The following GNAI3 variants were observed in gnomAD, a reference collection of about 807,000 sequenced individuals.
GNAI3 encodes the protein guanine nucleotide-binding protein G(i) subunit alpha-3.
In GNAI3, 12 loss-of-function variants were observed where a neutral mutation model predicts 41.8. That is an observed-to-expected ratio of 0.29 (90% CI 0.18 to 0.47). The LOEUF (loss-of-function observed/expected upper bound fraction) is 0.47. Ranked by LOEUF, GNAI3 falls within the 20% of genes least tolerant of loss-of-function variation. The pLI, the probability that GNAI3 is intolerant of heterozygous loss-of-function variation, is 1.00. For synonymous variants in GNAI3, 132 were observed against 146.5 expected, an observed-to-expected ratio of 0.90 and a Z score of 0.71; for missense variants, 360 against 429.6, an observed-to-expected ratio of 0.84 and a Z score of 1.43.
chr1:109,574,084 C>G, intron 3 of GNAI3, 47 bp downstream of exon 3: 1 of 1,498,388 alleles, frequency 6.7e-7, no homozygotes, highest in Non-Finnish European at 9.0e-7. Context: ...TCAGCAGATA[C>G]AGTTAAGTTA....
At chr1:109,588,445 G>A (rs547384115) in intron 7 of GNAI3, among the ~76,000 whole-genome samples, 58 of 152,252 alleles carry the variant, frequency 3.8e-4, no homozygotes, top group African/African-American at 1.2e-3. Flanking sequence ...GATTCTGGCC[G>A]TGGTTAAGTC....
chr1:109,577,395 A>G (rs980551684), intron 3 of GNAI3, among the ~76,000 whole-genome samples: 15 of 151,260 alleles, frequency 9.9e-5, no homozygotes, highest in African/African-American at 3.4e-4. Context: ...TCCTGCCTCA[A>G]ACTCCCGAGT....
Position 109,597,422 on chromosome 1 carries a change from A to AC in GNAI3, c.*5101dup, listed in dbSNP as rs1649334376. The AC allele has an allele frequency of 6.6e-6, 1 of 151,674 alleles. No homozygotes were observed. Among genetic ancestry groups the AC allele is most frequent in the African/African-American group, 2.4e-5 (1 of 41,250 alleles). 9.4% of individuals were successfully genotyped at this position (151,674 alleles called of 1,614,324 possible). On this transcript the variant is annotated 3_prime_UTR_variant, in exon 9 of 9. Transcript: ENST00000369851. ...GGTTGCAGTGAGCCGAGATCGCACC[A>AC]CTGAATTCCAGCCTGGGCGACAGAG...
chr1:109,591,659 T>A (rs1649175333), intron 7 of GNAI3: 1 of 413,708 alleles, frequency 2.4e-6, no homozygotes, highest in Non-Finnish European at 4.4e-6. Flanking sequence ...TGAATTTTTA[T>A]TCCAAGATCA....
At chr1:109,579,075 G>A (rs1427580908) in intron 3 of GNAI3, 129 bp from the exon 4 acceptor site, 1 of 682,210 alleles carries the variant, frequency 1.5e-6, no homozygotes, top group Non-Finnish European at 2.5e-6. Flanking sequence ...ATGCTGGCCT[G>A]TCAGAAAAGG....
chr1:109,576,622 G>A lies in GNAI3; in HGVS notation c.304-2582G>A, dbSNP rs571615814. 5.3e-3 allele frequency among the ~76,000 whole-genome samples: 811 copies of A among 151,986 alleles called. 2 individuals carry two copies. The highest frequency in any genetic ancestry group is 7.3e-3 in the African/African-American group (304 of 41,450). On this transcript the variant is annotated intron_variant, in intron 3 of 8. Coordinates refer to ENST00000369851, the MANE Select transcript of GNAI3 (RefSeq NM_006496.4). ...CAACCTCTGCCTCCTGGGTTCAAGCGATTCTCCTGCCTCAGCCTCCCGAGT... is the reference window on the plus strand; with the variant it reads ...CAACCTCTGCCTCCTGGGTTCAAGCAATTCTCCTGCCTCAGCCTCCCGAGT...
intron 1 of GNAI3, among the ~76,000 whole-genome samples, chr1:109,559,539 T>G (rs530824989): frequency 6.6e-6 from 1 of 152,360 alleles, no homozygotes; most frequent in Admixed American, 6.5e-5. Context: ...GTAACTATTT[T>G]TGTGTTATGT....
intron 1 of GNAI3, among the ~76,000 whole-genome samples, chr1:109,558,740 TAG>T (rs1001331416): frequency 1.3e-5 from 2 of 152,088 alleles, no homozygotes; most frequent in Admixed American, 1.3e-4. Context: ...AAGTTTTTGT[TAG>T]AGAGTAGGTA....
intron 4 of GNAI3, 132 bp downstream of exon 4, chr1:109,579,493 G>A (rs1354022434): frequency 7.2e-6 from 4 of 552,434 alleles, no homozygotes; most frequent in Non-Finnish European, 1.2e-5. Flanking sequence ...TATAAAAATT[G>A]TCTAAGTTTA....
At chr1:109,563,198 G>A (rs1483415341) in intron 1 of GNAI3, among the ~76,000 whole-genome samples, 5 of 152,084 alleles carry the variant, frequency 3.3e-5, no homozygotes, top group African/African-American at 7.2e-5. Context: ...CCTGGGCAAC[G>A]TGGTGAAACT....
chr1:109,572,462 A>G (rs1183434496), intron 1 of GNAI3, among the ~76,000 whole-genome samples: 2 of 152,192 alleles, frequency 1.3e-5, no homozygotes, highest in African/African-American at 4.8e-5. Context: ...TAAGATGAGC[A>G]CCAAGAATTG....
chr1:109,577,146 C>T (rs1466878435), intron 3 of GNAI3, among the ~76,000 whole-genome samples: 1 of 151,370 alleles, frequency 6.6e-6, no homozygotes, highest in Non-Finnish European at 1.5e-5. Flanking sequence ...TGCATATGTA[C>T]AAGGACATGC....
rs776825333 is a variant in GNAI3 at position 109,599,269 on chromosome 1, C to A, written c.*6947C>A. ...AAGCATATATAACAAAATTTGCCAT[C>A]TTAAGTGTACAGTTCAGTGGCATTA... On this transcript the variant is annotated 3_prime_UTR_variant, in exon 9 of 9. Coordinates refer to ENST00000369851, the MANE Select transcript of GNAI3 (RefSeq NM_006496.4). The A allele has an allele frequency of 2.6e-5, 5 of 195,626 alleles. No homozygotes were observed. Among genetic ancestry groups the A allele is most frequent in the Non-Finnish European group, 3.3e-5 (3 of 91,698 alleles). The allele number at this position is 195,626 out of a possible 1,614,324, so 12.1% of individuals were successfully genotyped here.
chr1:109,556,242 C>T (rs138593150), intron 1 of GNAI3, among the ~76,000 whole-genome samples: 1,910 of 152,000 alleles, frequency 0.013, 25 homozygotes, highest in Non-Finnish European at 0.02. Flanking sequence ...TGGGGTTTTG[C>T]CATATTGCCC....
chr1:109,584,866 C>A (rs1648994822), intron 5 of GNAI3, among the ~76,000 whole-genome samples: 2 of 152,176 alleles, frequency 1.3e-5, no homozygotes, highest in African/African-American at 4.8e-5. Context: ...CCCCTTGAGA[C>A]CTCCATGGTG....
intron 7 of GNAI3, among the ~76,000 whole-genome samples, chr1:109,587,166 C>T (rs896697874): frequency 6.6e-6 from 1 of 152,062 alleles, no homozygotes; most frequent in African/African-American, 2.4e-5. Flanking sequence ...GGCTATAATT[C>T]TAGCTACTTG....
At chr1:109,580,746 C>T (rs1648870860) in intron 4 of GNAI3, among the ~76,000 whole-genome samples, 2 of 152,158 alleles carry the variant, frequency 1.3e-5, no homozygotes, top group Non-Finnish European at 2.9e-5. Context: ...AATGCAATGG[C>T]TATGATGTCA....
intron 1 of GNAI3, among the ~76,000 whole-genome samples, chr1:109,557,236 T>C (rs12023950): frequency 0.19 from 28,193 of 152,090 alleles, 2,847 homozygotes; most frequent in East Asian, 0.36. Flanking sequence ...TGCCTCGCCA[T>C]TGGTGAAACT....
chr1:109,571,418 A>G (rs1166826150), intron 1 of GNAI3, among the ~76,000 whole-genome samples: 2 of 152,230 alleles, frequency 1.3e-5, no homozygotes, highest in Non-Finnish European at 2.9e-5. Context: ...CAGTTCTGCC[A>G]CTTACTAACT....
Sources: gnomAD v4.1 joint callset for allele counts (sites outside exome capture counted in the v4.1 genomes callset) on GRCh38, gnomAD v4.1.1 for gene constraint, MANE v1.5 for transcripts, NCBI Gene and HGNC (gene_info 2026-07-23, HGNC 2026-07-21) for gene names.